NEGR1: variants seen among roughly 807,000 people sequenced by gnomAD.
The protein encoded by NEGR1 is IgLON family member 4.
In NEGR1, 10 loss-of-function variants were observed where a neutral mutation model predicts 40.9. That is an observed-to-expected ratio of 0.24 (90% CI 0.15 to 0.42). The LOEUF is 0.42. Among genes scored for constraint, NEGR1 ranks in the 10% least tolerant of loss-of-function variants. The probability of loss-of-function intolerance (pLI) is 1.00; values close to 1 mark genes in which losing one functional copy is unlikely to be tolerated. For missense variants in NEGR1, 352 were observed against 438.9 expected (o/e 0.80, Z 1.77); for synonymous variants, 185 against 166.8 (o/e 1.11, Z -0.84).
chr1:71,791,459 T>C (rs1657114098), intron 2 of NEGR1, among the ~76,000 whole-genome samples: 2 of 152,078 alleles, frequency 1.3e-5, no homozygotes, highest in South Asian at 4.1e-4. Flanking sequence ...GTTTAGAGCA[T>C]GGAAATTGGC....
At chr1:71,880,400 G>T (rs551245550) in intron 2 of NEGR1, among the ~76,000 whole-genome samples, 3 of 151,888 alleles carry the variant, frequency 2.0e-5, no homozygotes, top group Admixed American at 6.6e-5. Context: ...AAATTTTGAT[G>T]CCCCCAATTA....
intron 1 of NEGR1, among the ~76,000 whole-genome samples, chr1:71,975,574 A>G (rs774861868): frequency 6.6e-6 from 1 of 152,234 alleles, no homozygotes; most frequent in East Asian, 1.9e-4. Context: ...TGCTAGATCT[A>G]TGTAATGAAA....
chr1:71,555,765 C>A (rs1648233493), intron 6 of NEGR1, among the ~76,000 whole-genome samples: 1 of 151,520 alleles, frequency 6.6e-6, no homozygotes, highest in Non-Finnish European at 1.5e-5. Flanking sequence ...ACTTTTGATA[C>A]CCCTTTTTCG....
intron 6 of NEGR1, among the ~76,000 whole-genome samples, chr1:71,450,939 A>C (rs1646623359): frequency 6.6e-6 from 1 of 152,326 alleles, no homozygotes; most frequent in South Asian, 2.1e-4. Context: ...ATTTTTAAAA[A>C]AAGTGGTAGC....
chr1:71,847,589 G>A (rs1267319721), intron 2 of NEGR1, among the ~76,000 whole-genome samples: 1 of 152,184 alleles, frequency 6.6e-6, no homozygotes, highest in Non-Finnish European at 1.5e-5. Flanking sequence ...GCCCATGTAA[G>A]ATGGCAAGCT....
At chr1:72,266,687 T>A (rs1424519348) in intron 1 of NEGR1, among the ~76,000 whole-genome samples, 2 of 144,334 alleles carry the variant, frequency 1.4e-5, no homozygotes, top group African/African-American at 5.1e-5. Context: ...ATCTAAAAAA[T>A]GTACCAAGTG....
intron 1 of NEGR1, among the ~76,000 whole-genome samples, chr1:72,020,126 G>A (rs977515657): frequency 4.6e-5 from 7 of 152,098 alleles, no homozygotes; most frequent in South Asian, 2.1e-4. Context: ...AAGCATCATC[G>A]ATTTTGAGAA....
chr1:71,916,012 C>A (rs1661568042), intron 2 of NEGR1, among the ~76,000 whole-genome samples: 1 of 152,028 alleles, frequency 6.6e-6, no homozygotes, highest in South Asian at 2.1e-4. Flanking sequence ...AGAGGTGTGA[C>A]ACATCAGGTT....
intron 4 of NEGR1, among the ~76,000 whole-genome samples, chr1:71,638,685 A>G (rs540735653): frequency 1.3e-5 from 2 of 152,154 alleles, no homozygotes; most frequent in Admixed American, 6.6e-5. Context: ...AAGGTGTCTA[A>G]GGTCATATTC....
chr1:72,191,894 C>T (rs1441166981), intron 1 of NEGR1, among the ~76,000 whole-genome samples: 2 of 151,786 alleles, frequency 1.3e-5, no homozygotes, highest in African/African-American at 4.8e-5. Context: ...TGCCATCTTC[C>T]TCTCACAAAT....
chr1:71,558,319 A>T (rs184385446), intron 6 of NEGR1, among the ~76,000 whole-genome samples: 2 of 151,700 alleles, frequency 1.3e-5, no homozygotes, highest in East Asian at 3.9e-4. Flanking sequence ...AAACATATTC[A>T]TGAGGGAGAT....
chr1:71,929,509 C>T (rs1377046769), intron 2 of NEGR1, among the ~76,000 whole-genome samples: 1 of 152,078 alleles, frequency 6.6e-6, no homozygotes, highest in Non-Finnish European at 1.5e-5. Context: ...CTGAATAAAA[C>T]AGACTAGGAT....
intron 1 of NEGR1, among the ~76,000 whole-genome samples, chr1:72,165,976 T>C (rs894450999): frequency 2.0e-5 from 3 of 152,028 alleles, no homozygotes; most frequent in African/African-American, 2.4e-5. Context: ...GAAATTCAAC[T>C]TGAACTACGT....
intron 4 of NEGR1, among the ~76,000 whole-genome samples, chr1:71,665,582 T>A (rs1364530367): frequency 6.6e-6 from 1 of 152,192 alleles, no homozygotes; most frequent in Non-Finnish European, 1.5e-5. Context: ...ATAAGCAGCC[T>A]GTCCCATTGT....
intron 4 of NEGR1, among the ~76,000 whole-genome samples, chr1:71,666,834 C>CATT (rs1652259866): frequency 6.6e-6 from 1 of 152,048 alleles, no homozygotes; most frequent in South Asian, 2.1e-4. Context: ...TCATTGCAAA[C>CATT]CACATTCAAC....
intron 6 of NEGR1, among the ~76,000 whole-genome samples, chr1:71,455,883 A>T (rs1319523190): frequency 6.6e-6 from 1 of 152,184 alleles, no homozygotes; most frequent in Admixed American, 6.5e-5. Flanking sequence ...AAGCCCAAAG[A>T]CATAAGACTT....
chr1:71,825,833 A>G (rs758294964), intron 2 of NEGR1, among the ~76,000 whole-genome samples: 40 of 152,096 alleles, frequency 2.6e-4, no homozygotes, highest in Non-Finnish European at 4.9e-4. Flanking sequence ...ATAGTAAAGA[A>G]CTAGCTAAAC....
chr1:71,676,220 A>G (rs1372025122), intron 4 of NEGR1, among the ~76,000 whole-genome samples: 1 of 152,164 alleles, frequency 6.6e-6, no homozygotes, highest in African/African-American at 2.4e-5. Context: ...ACTGTGAATT[A>G]GGGACCATCA....
intron 4 of NEGR1, among the ~76,000 whole-genome samples, chr1:71,616,836 A>G (rs1179268568): frequency 2.0e-5 from 3 of 152,206 alleles, no homozygotes; most frequent in African/African-American, 7.2e-5. Context: ...AAAAGACCCA[A>G]CAACTCTAAG....
Sources: gnomAD v4.1 joint callset for allele counts (sites outside exome capture counted in the v4.1 genomes callset) on GRCh38, gnomAD v4.1.1 for gene constraint, MANE v1.5 for transcripts, NCBI Gene and HGNC (gene_info 2026-07-23, HGNC 2026-07-21) for gene names.